FAT4: variants seen among roughly 807,000 people sequenced by gnomAD.
FAT4 encodes the protein FAT atypical cadherin 4, also known as protocadherin Fat 4.
A neutral mutation model predicts 303.9 loss-of-function variants in FAT4; 84 were observed. The observed-to-expected ratio is 0.28, with a 90% confidence interval of 0.23 to 0.33. The LOEUF (loss-of-function observed/expected upper bound fraction) is 0.33. Among genes scored for constraint, FAT4 ranks in the 10% least tolerant of loss-of-function variants. FAT4 has a pLI of 1.00. For synonymous variants in FAT4, 2,307 were observed against 2,298.8 expected (o/e 1.00, Z -0.10); for missense variants, 6,005 against 6,146.8 (o/e 0.98, Z 0.77).
intron 2 of FAT4, among the ~76,000 whole-genome samples, chr4:125,356,535 G>T (rs57565770): frequency 0.079 from 10,363 of 131,830 alleles, 469 homozygotes; most frequent in East Asian, 0.21. Flanking sequence ...TAGATATAGG[G>T]TGTTTTGTTT....
rs535902083 is a variant in FAT4, at chr4:125,453,681, G to A, written c.11800+871G>A. Among the ~76,000 whole-genome samples the A allele has an allele frequency of 8.7e-4, 130 of 149,460 alleles. 1 individual carries two copies. The highest frequency in any genetic ancestry group is 3.1e-3 in the African/African-American group (124 of 40,334). Reference sequence around the variant, plus strand: ...AGATCGCGTCACTGCACTCCAGCCTGGCAACAGAGCAAGACTCTGTCTTAA... The same window carrying A: ...AGATCGCGTCACTGCACTCCAGCCTAGCAACAGAGCAAGACTCTGTCTTAA... On this transcript the variant is annotated intron_variant, in intron 10 of 17. Coordinates refer to ENST00000394329, the MANE Select transcript of FAT4 (RefSeq NM_001291303.3).
At chr4:125,325,880 T>C (rs1218388131) in intron 2 of FAT4, among the ~76,000 whole-genome samples, 2 of 152,202 alleles carry the variant, frequency 1.3e-5, no homozygotes, top group African/African-American at 4.8e-5. Flanking sequence ...CCACCATTGC[T>C]TTTGCACCTC....
rs1263364626 is a variant in FAT4 at position 125,440,604 on chromosome 4, T to TGAGAGAGAGAGAGAGA, written c.7200-5688_7200-5687insAGAGAGAGAGAGAGAG. Reference sequence around the variant, plus strand: ...ACTTGTGTGTGTGTGTGTGTGTGTGTGTGTGTGAGAGAGAGAGAGAGAGAG... The same window carrying TGAGAGAGAGAGAGAGA: ...ACTTGTGTGTGTGTGTGTGTGTGTGTGAGAGAGAGAGAGAGAGTGTGTGAGAGAGAGAGAGAGAGAG... On this transcript the variant is annotated intron_variant, in intron 8 of 17. Coordinates refer to ENST00000394329, the MANE Select transcript of FAT4 (RefSeq NM_001291303.3). Among the ~76,000 whole-genome samples, 44 of 35,568 alleles carry TGAGAGAGAGAGAGAGA rather than the reference T, an allele frequency of 1.2e-3. No homozygotes were observed. The East Asian group carries it at 0.021, about 17-fold the overall frequency. 23.3% of individuals were successfully genotyped at this position (35,568 alleles called of 152,430 possible).
chr4:125,363,239 C>A (rs1732738702), intron 2 of FAT4, among the ~76,000 whole-genome samples: 1 of 151,620 alleles, frequency 6.6e-6, no homozygotes, highest in African/African-American at 2.4e-5. Flanking sequence ...TGTAATAAAG[C>A]AATGTGTTAA....
Position 125,317,684 on chromosome 4 carries a change from G to T in FAT4, c.1273G>T (p.Ala425Ser), listed in dbSNP as rs138548779. Residue 425 changes from alanine to serine, a missense_variant, in exon 2 of 18, where the codon GCC (alanine) becomes TCC (serine). Physicochemically the swap from Ala to Ser is moderately conservative, Grantham distance 99. Transcript: ENST00000394329. The surrounding 1 kb of genome is among the most constrained non-coding windows in gnomAD (Gnocchi z 7.0). ...PNLSLIKVAS[A>S]LDRERIPSYN... is the part of the protein sequence containing the mutation. The stretch of plus-strand genomic sequence containing the variant: ...CCTGAGCCTAATCAAGGTGGCCAGC[G>T]CCTTGGACCGCGAGCGCATCCCTTC... The T allele has an allele frequency of 5.6e-6, 9 of 1,614,064 alleles. No individual in the cohort carries two copies. The Admixed American group carries it at 1.5e-4, about 27-fold the overall frequency.
rs1158575255 is a variant in FAT4, at chr4:125,318,709, T to C, written c.2298T>C (p.Thr766=). 1 of 1,614,116 alleles carries C rather than the reference T, an allele frequency of 6.2e-7. No individual in the cohort carries two copies. Among genetic ancestry groups the C allele is most frequent in the Admixed American group, 1.7e-5 (1 of 60,028 alleles). ...KTAYQLQIVA[T]DGGNLQSPNQ... ...CTTATCAGTTGCAAATAGTAGCTAC[T>C]GATGGTGGCAATTTACAATCTCCCA... Residue 766 remains threonine (T), a synonymous_variant, in exon 2 of 18, where the codon ACT becomes ACC. Coordinates refer to ENST00000394329, the MANE Select transcript of FAT4 (RefSeq NM_001291303.3).
At chr4:125,389,814 C>A (rs923190833) in intron 2 of FAT4, among the ~76,000 whole-genome samples, 1 of 152,160 alleles carries the variant, frequency 6.6e-6, no homozygotes, top group Non-Finnish European at 1.5e-5. Flanking sequence ...TACTTAAAAC[C>A]TTGTTCATAG....
At chr4:125,339,226 C>T (rs1308606385) in intron 2 of FAT4, among the ~76,000 whole-genome samples, 1 of 152,068 alleles carries the variant, frequency 6.6e-6, no homozygotes, top group South Asian at 2.1e-4. Context: ...TACAGTGGCA[C>T]GATCTTGGCT....
intron 2 of FAT4, among the ~76,000 whole-genome samples, chr4:125,387,295 T>C (rs1733792358): frequency 6.6e-6 from 1 of 152,184 alleles, no homozygotes; most frequent in African/African-American, 2.4e-5. Flanking sequence ...ACTATGCAAA[T>C]GTGAAATGAG....
At chr4:125,407,246 T>C in intron 4 of FAT4, 105 bp downstream of exon 4, 2 of 929,384 alleles carry the variant, frequency 2.2e-6, no homozygotes, top group Non-Finnish European at 3.3e-6. Context: ...TTTAATCATA[T>C]ACTACTAGTT....
Position 125,317,076 on chromosome 4 carries a change from T to G in FAT4, c.665T>G (p.Val222Gly). ...VTPQYQLLVE[V>G]EDKGEPKRRG... is the part of the protein sequence containing the mutation. The stretch of plus-strand genomic sequence containing the variant: ...CCGCAGTACCAGCTCCTGGTTGAGG[T>G]GGAGGACAAGGGTGAGCCTAAGCGG... The change falls in exon 2 of 18, where the codon GTG becomes GGG. Residue 222 changes from valine (V) to glycine (G), a missense_variant. Transcript: ENST00000394329. The surrounding 1 kb of genome is among the most constrained non-coding windows in gnomAD (Gnocchi z 7.0). The G allele has an allele frequency of 6.2e-7, 1 of 1,613,856 alleles. No individual in the cohort carries two copies. Among genetic ancestry groups the G allele is most frequent in the Non-Finnish European group, 8.5e-7 (1 of 1,179,982 alleles).
At chr4:125,474,190 A>G (rs1456414224) in intron 12 of FAT4, among the ~76,000 whole-genome samples, 2 of 152,072 alleles carry the variant, frequency 1.3e-5, no homozygotes, top group Admixed American at 6.5e-5. Context: ...CGAAATATTA[A>G]CAATGACTAA....
intron 2 of FAT4, among the ~76,000 whole-genome samples, chr4:125,373,226 C>G (rs1345056662): frequency 1.3e-5 from 2 of 151,950 alleles, no homozygotes; most frequent in African/African-American, 4.8e-5. Flanking sequence ...TATTTTTAGT[C>G]AAGTAATAAT....
At position 125,441,063 on chromosome 4, in the gene FAT4, C is replaced by T. The variant is rs572552022; in HGVS notation, c.7200-5230C>T. On this transcript the variant is annotated intron_variant, in intron 8 of 17. Transcript: ENST00000394329. Reference sequence around the variant, plus strand: ...TATAATAAGAATTAACTCACTTCCACGCCTCTAGTTTCTAATCCTTCCAAT... The same window carrying T: ...TATAATAAGAATTAACTCACTTCCATGCCTCTAGTTTCTAATCCTTCCAAT... Among the ~76,000 whole-genome samples, 400 of 152,246 alleles carry T rather than the reference C, an allele frequency of 2.6e-3. 2 individuals carry two copies. Among genetic ancestry groups the T allele is most frequent in the Non-Finnish European group, 4.5e-3 (303 of 68,006 alleles).
At chr4:125,478,764 C>G (rs1727120961) in intron 14 of FAT4, among the ~76,000 whole-genome samples, 1 of 152,062 alleles carries the variant, frequency 6.6e-6, no homozygotes, top group South Asian at 2.1e-4. Context: ...CTCCTGACCT[C>G]ATGATCCACC....
intron 16 of FAT4, among the ~76,000 whole-genome samples, chr4:125,483,178 T>C (rs1727288706): frequency 6.6e-6 from 1 of 152,190 alleles, no homozygotes; most frequent in Non-Finnish European, 1.5e-5. Context: ...AGGACCCAGT[T>C]CCAGAGTTAA....
chr4:125,444,788 A>G (rs1725768989), intron 8 of FAT4, among the ~76,000 whole-genome samples: 1 of 152,062 alleles, frequency 6.6e-6, no homozygotes, highest in Non-Finnish European at 1.5e-5. Flanking sequence ...GGCTTACTTT[A>G]TTTTCCTATT....
intron 2 of FAT4, among the ~76,000 whole-genome samples, chr4:125,374,345 T>C (rs1733235930): frequency 6.6e-6 from 1 of 152,212 alleles, no homozygotes; most frequent in Non-Finnish European, 1.5e-5. Flanking sequence ...AATGCCCCTA[T>C]TTTTAAAATG....
chr4:125,316,542 A>C lies in FAT4; in HGVS notation c.131A>C (p.Glu44Ala), dbSNP rs200221425. The C allele has an allele frequency of 4.5e-4, 725 of 1,613,986 alleles. 2 individuals carry two copies. The highest frequency in any genetic ancestry group is 1.1e-3 in the South Asian group (96 of 91,088). ...GGGCAGGCCTGGGTCCACGGGGCCG[A>C]GCCGCGCCAGGTGTTCCAAGTGCTG... ...LPGQAWVHGA[E>A]PRQVFQVLEE... Residue 44 changes from glutamate (E) to alanine (A), a missense_variant, in exon 2 of 18, where the codon GAG becomes GCG. Coordinates refer to ENST00000394329, the MANE Select transcript of FAT4 (RefSeq NM_001291303.3). The surrounding 1 kb of genome is among the most constrained non-coding windows in gnomAD (Gnocchi z 5.7).
Sources: allele counts gnomAD v4.1 joint callset (sites outside exome capture counted in the v4.1 genomes callset), GRCh38; gene constraint gnomAD v4.1.1; non-coding constraint Gnocchi (gnomAD v3.1); transcripts MANE v1.5; gene names NCBI Gene and HGNC (gene_info 2026-07-23, HGNC 2026-07-21).